Variants in MAP2K1 observed in about 807,000 individuals in gnomAD.
MAP2K1 encodes the protein mitogen-activated protein kinase kinase 1, also known as dual specificity mitogen-activated protein kinase kinase 1.
In MAP2K1, 16 loss-of-function variants were observed where a neutral mutation model predicts 46.3. That is an observed-to-expected ratio of 0.35 (90% confidence interval 0.23 to 0.52). MAP2K1 has a LOEUF of 0.52. MAP2K1 is among the 20% of genes least tolerant of loss of function. MAP2K1 has a pLI of 0.94. For synonymous variants in MAP2K1, 183 were observed against 185.6 expected (o/e 0.99, Z 0.11); for missense variants, 263 against 497.1 (o/e 0.53, Z 4.48).
chr15:66,417,443 G>A (rs962852577), intron 1 of MAP2K1, among the ~76,000 whole-genome samples: 16 of 152,180 alleles, frequency 1.1e-4, no homozygotes, highest in African/African-American at 3.6e-4. Flanking sequence ...ATGGTGGCAC[G>A]TGCCTGTAGT....
intron 1 of MAP2K1, among the ~76,000 whole-genome samples, chr15:66,422,072 A>C (rs949267925): frequency 1.3e-5 from 2 of 152,196 alleles, no homozygotes; most frequent in African/African-American, 4.8e-5. Flanking sequence ...TGGTGAAACC[A>C]TAAAAGCAAT....
chr15:66,433,768 C>G (rs1237893365), intron 1 of MAP2K1, among the ~76,000 whole-genome samples: 1 of 152,178 alleles, frequency 6.6e-6, no homozygotes, highest in Admixed American at 6.5e-5. Flanking sequence ...TGTGTCACTT[C>G]AGCCACCCCA....
chr15:66,462,446 G>A (rs537601390), intron 5 of MAP2K1, among the ~76,000 whole-genome samples: 14 of 142,690 alleles, frequency 9.8e-5, no homozygotes, highest in African/African-American at 3.0e-4. Flanking sequence ...GCAGTGAGCC[G>A]AGATCGCACC....
At chr15:66,392,070 A>G (rs2093357170) in intron 1 of MAP2K1, among the ~76,000 whole-genome samples, 1 of 152,072 alleles carries the variant, frequency 6.6e-6, no homozygotes, top group Non-Finnish European at 1.5e-5. Flanking sequence ...AAGTATACCT[A>G]CATGAGGAGG....
chr15:66,438,323 A>G (rs930993887), intron 3 of MAP2K1, among the ~76,000 whole-genome samples: 1 of 151,898 alleles, frequency 6.6e-6, no homozygotes, highest in Non-Finnish European at 1.5e-5. Context: ...TCCTGACCTC[A>G]TGATCTGCCC....
chr15:66,402,978 A>G (rs1463358513), intron 1 of MAP2K1, among the ~76,000 whole-genome samples: 1 of 152,140 alleles, frequency 6.6e-6, no homozygotes, highest in Non-Finnish European at 1.5e-5. Flanking sequence ...GGAGCTGTGA[A>G]AAAAGGAAGC....
chr15:66,429,557 C>T (rs1334769052), intron 1 of MAP2K1, among the ~76,000 whole-genome samples: 1 of 151,896 alleles, frequency 6.6e-6, no homozygotes, highest in East Asian at 1.9e-4. Flanking sequence ...GGTAGTTGAA[C>T]AGCCTCTCCT....
At chr15:66,425,827 CA>C (rs1370069510) in intron 1 of MAP2K1, among the ~76,000 whole-genome samples, 5 of 152,160 alleles carry the variant, frequency 3.3e-5, no homozygotes, top group Non-Finnish European at 5.9e-5. Flanking sequence ...GCACACCTTG[CA>C]GGGGGGAAGA....
At chr15:66,477,057 G>A (rs939422684) in intron 5 of MAP2K1, among the ~76,000 whole-genome samples, 4 of 152,178 alleles carry the variant, frequency 2.6e-5, no homozygotes, top group African/African-American at 9.7e-5. Context: ...CTGGCTCCCA[G>A]GACCAATGTG....
chr15:66,422,214 C>T (rs1214694289), intron 1 of MAP2K1, among the ~76,000 whole-genome samples: 1 of 152,190 alleles, frequency 6.6e-6, no homozygotes, highest in Non-Finnish European at 1.5e-5. Context: ...CTTTGCAGTG[C>T]TTGTTCGTAT....
In MAP2K1 at chr15:66,441,747, A is replaced by T. The variant is rs370104971; in HGVS notation, c.439-1533A>T. On this transcript the variant is annotated intron_variant, in intron 3 of 10. Coordinates refer to ENST00000307102, the MANE Select transcript of MAP2K1 (RefSeq NM_002755.4). ...CTATCTTTATCTTAAAGGTTTAAAA[A>T]AAGACAAAAAAAAAAAAAACCTAGT... Among the ~76,000 whole-genome samples the T allele has an allele frequency of 1.3e-3, 203 of 150,866 alleles. 4 individuals carry two copies. The South Asian group carries it at 0.037, about 27-fold the overall frequency.
chr15:66,443,631 G>A (rs1020340041), intron 4 of MAP2K1, among the ~76,000 whole-genome samples: 8 of 152,182 alleles, frequency 5.3e-5, no homozygotes, highest in African/African-American at 1.7e-4. Flanking sequence ...AGCACTTTGC[G>A]AGGCCAAGGC....
intron 1 of MAP2K1, among the ~76,000 whole-genome samples, chr15:66,395,622 T>C (rs1485783481): frequency 6.9e-6 from 1 of 145,406 alleles, no homozygotes; most frequent in Non-Finnish European, 1.5e-5. Flanking sequence ...TCACCCAGGC[T>C]AGAGTGTGCA....
At chr15:66,393,580 C>CT (rs1297243571) in intron 1 of MAP2K1, among the ~76,000 whole-genome samples, 1 of 152,182 alleles carries the variant, frequency 6.6e-6, no homozygotes, top group African/African-American at 2.4e-5. Context: ...GTCCTTTCTA[C>CT]TTTCTGACTC....
At chr15:66,390,302 C>G (rs1190705708) in intron 1 of MAP2K1, among the ~76,000 whole-genome samples, 1 of 152,168 alleles carries the variant, frequency 6.6e-6, no homozygotes, top group Non-Finnish European at 1.5e-5. Context: ...TGAGAGTGTT[C>G]CTCAAGCAAA....
intron 1 of MAP2K1, among the ~76,000 whole-genome samples, chr15:66,423,991 G>C (rs1319246826): frequency 6.6e-6 from 1 of 152,044 alleles, no homozygotes; most frequent in African/African-American, 2.4e-5. Context: ...GACCTCAGGT[G>C]ATCCACCTGC....
At chr15:66,474,417 C>A (rs1298091266) in intron 5 of MAP2K1, among the ~76,000 whole-genome samples, 4 of 152,156 alleles carry the variant, frequency 2.6e-5, no homozygotes, top group African/African-American at 7.2e-5. Context: ...GCATCGTGCT[C>A]ACTCGCTAAA....
chr15:66,427,632 G>C (rs907603269), intron 1 of MAP2K1, among the ~76,000 whole-genome samples: 2 of 152,084 alleles, frequency 1.3e-5, no homozygotes, highest in African/African-American at 4.8e-5. Context: ...GAGTGTGGGT[G>C]AGCTCCTTTA....
At chr15:66,404,782 G>A (rs1193654824) in intron 1 of MAP2K1, among the ~76,000 whole-genome samples, 4 of 151,526 alleles carry the variant, frequency 2.6e-5, no homozygotes, top group Admixed American at 6.6e-5. Context: ...CACGGTGAGC[G>A]GAAATGGTGA....
Sources: allele counts gnomAD v4.1 joint callset (sites outside exome capture counted in the v4.1 genomes callset), GRCh38; gene constraint gnomAD v4.1.1; transcripts MANE v1.5; gene names NCBI Gene and HGNC (gene_info 2026-07-23, HGNC 2026-07-21).